The following STK24 variants were observed in gnomAD, a reference collection of about 807,000 sequenced individuals.
STK24 encodes serine/threonine-protein kinase 24.
STK24 carries 21 observed loss-of-function variants against 55.6 expected under a neutral mutation model. The observed-to-expected ratio is 0.38, with a 90% CI of 0.27 to 0.54. The LOEUF (loss-of-function observed/expected upper bound fraction) is 0.54. Among genes scored for constraint, STK24 ranks in the 20% least tolerant of loss-of-function variants. The probability of loss-of-function intolerance (pLI) is 0.79; values close to 1 mark genes in which losing one functional copy is unlikely to be tolerated. For missense variants in STK24, 383 were observed against 538.4 expected, an observed-to-expected ratio of 0.71 and a Z score of 2.86; for synonymous variants, 200 against 215.2, an observed-to-expected ratio of 0.93 and a Z score of 0.62.
chr13:98,551,246 A>G (rs1897153344), intron 1 of STK24, among the ~76,000 whole-genome samples: 2 of 151,446 alleles, frequency 1.3e-5, no homozygotes. Context: ...AGATCTTGCC[A>G]CTGCACTCTA....
At chr13:98,573,805 T>C (rs535707611) in intron 1 of STK24, among the ~76,000 whole-genome samples, 1 of 152,316 alleles carries the variant, frequency 6.6e-6, no homozygotes, top group South Asian at 2.1e-4. Flanking sequence ...ACATAATATA[T>C]GATCTCACCT....
chr13:98,519,153 G>A, intron 2 of STK24, 90 bp downstream of exon 2: 1 of 1,025,766 alleles, frequency 9.7e-7, no homozygotes, highest in Non-Finnish European at 1.5e-6. Flanking sequence ...GAAACCTGCT[G>A]TGCTTTGTCC....
intron 1 of STK24, among the ~76,000 whole-genome samples, chr13:98,550,195 G>A (rs754732716): frequency 1.2e-4 from 19 of 152,182 alleles, no homozygotes; most frequent in Admixed American, 8.5e-4. Flanking sequence ...TTACAACTGA[G>A]GGAATTCTCT....
chr13:98,561,324 T>C (rs933498014), intron 1 of STK24, among the ~76,000 whole-genome samples: 1 of 152,090 alleles, frequency 6.6e-6, no homozygotes, highest in Non-Finnish European at 1.5e-5. Context: ...GGCTCATGCC[T>C]GTAATCCCAA....
chr13:98,475,597 G>C (rs530814794), intron 3 of STK24, among the ~76,000 whole-genome samples: 2 of 152,330 alleles, frequency 1.3e-5, no homozygotes, highest in Admixed American at 1.3e-4. Flanking sequence ...AAGCAAAGAG[G>C]AGCCAATGAG....
rs1208502681 is a variant in STK24, at chr13:98,566,451, C to T, written c.42+10294G>A. ...ATGCTGGCCTCCCAGTCAGGGCTTCCGCCCCAGTGATGCTGTTTTCTAGCC... is the reference window on the plus strand; with the variant it reads ...ATGCTGGCCTCCCAGTCAGGGCTTCTGCCCCAGTGATGCTGTTTTCTAGCC... On this transcript the variant is annotated intron_variant, in intron 1 of 10. Transcript: ENST00000539966. Among the ~76,000 whole-genome samples the T allele has an allele frequency of 2.0e-5, 3 of 152,170 alleles. 1 individual carries two copies. The highest frequency in any genetic ancestry group is 6.3e-3 in the Middle Eastern group (2 of 316).
Position 98,446,642 on chromosome 13 carries a change from C to T in STK24, c.*6531G>A. On this transcript the variant is annotated 3_prime_UTR_variant, in exon 11 of 11. Transcript: ENST00000539966. ...AGCAGAAGCTGACCCCGAAAAGCCACTTTGCTTTGTTTCCCCTTTCCAGGA... is the reference window on the plus strand; with the variant it reads ...AGCAGAAGCTGACCCCGAAAAGCCATTTTGCTTTGTTTCCCCTTTCCAGGA... 6.2e-7 allele frequency: 1 copy of T among 1,612,622 alleles called. No individual in the cohort carries two copies. Among genetic ancestry groups the T allele is most frequent in the Non-Finnish European group, 8.5e-7 (1 of 1,178,834 alleles).
chr13:98,470,197 T>C (rs1241751826), intron 5 of STK24, among the ~76,000 whole-genome samples: 1 of 152,184 alleles, frequency 6.6e-6, no homozygotes, highest in Non-Finnish European at 1.5e-5. Flanking sequence ...GGACTCACTC[T>C]GTCACCCAGG....
rs1279937247 is a variant in STK24, at chr13:98,576,901, CG to C, written c.-116del. 4.7e-5 allele frequency: 29 copies of C among 611,020 alleles called. No individual in the cohort carries two copies. In the African/African-American group the frequency reaches 5.5e-4, roughly 12 times the overall value. The allele number at this position is 611,020 out of a possible 1,614,324, so 37.8% of individuals were successfully genotyped here. A position where few individuals can be genotyped will look rare whatever the true frequency, so the allele number is the denominator to read the frequency against. ...TCGGGCGGCGGGGCCGGCCGGAGCC[CG>C]AGGCCACCCCAGCCCTGGCGGGTCC... On this transcript the variant is annotated 5_prime_UTR_variant, in exon 1 of 11. Coordinates refer to ENST00000539966, the MANE Select transcript of STK24 (RefSeq NM_001032296.4).
At chr13:98,522,485 G>C (rs1348540291) in intron 1 of STK24, among the ~76,000 whole-genome samples, 1 of 152,168 alleles carries the variant, frequency 6.6e-6, no homozygotes, top group Non-Finnish European at 1.5e-5. Context: ...AGGAAAGGCT[G>C]TGTTAAAGAC....
Position 98,575,387 on chromosome 13 carries a change from T to C in STK24, c.42+1358A>G, listed in dbSNP as rs925180242. Among the ~76,000 whole-genome samples the C allele has an allele frequency of 1.1e-4, 16 of 148,206 alleles. No homozygotes were observed. The South Asian group carries it at 2.8e-3, about 26-fold the overall frequency. ...TACTGCTTAAACATATATACACACA[T>C]ATATATACTGCTTATATATACACAC... On this transcript the variant is annotated intron_variant, in intron 1 of 10. Coordinates refer to ENST00000539966, the MANE Select transcript of STK24 (RefSeq NM_001032296.4).
intron 1 of STK24, among the ~76,000 whole-genome samples, chr13:98,519,790 T>A (rs778880213): frequency 3.9e-5 from 6 of 152,232 alleles, no homozygotes; most frequent in African/African-American, 4.8e-5. Context: ...AAGCACTTAT[T>A]GGAATGTTAG....
intron 4 of STK24, 81 bp from the exon 5 acceptor site, chr13:98,475,059 C>G: frequency 4.0e-6 from 6 of 1,506,900 alleles, no homozygotes; most frequent in Non-Finnish European, 5.3e-6. Context: ...TTCTCCCTGG[C>G]TGGGTGGCGA....
chr13:98,522,920 C>G (rs956389534), intron 1 of STK24, among the ~76,000 whole-genome samples: 1 of 152,138 alleles, frequency 6.6e-6, no homozygotes, highest in East Asian at 1.9e-4. Context: ...CTGACAAGGG[C>G]GAGAGGGGTG....
intron 1 of STK24, among the ~76,000 whole-genome samples, chr13:98,551,025 G>A (rs1211632686): frequency 6.6e-6 from 1 of 152,098 alleles, no homozygotes; most frequent in Non-Finnish European, 1.5e-5. Context: ...GGTGGCTCAC[G>A]CCTGTAATCC....
chr13:98,515,615 T>C (rs1896030735), intron 2 of STK24, among the ~76,000 whole-genome samples: 1 of 152,234 alleles, frequency 6.6e-6, no homozygotes, highest in South Asian at 2.1e-4. Context: ...CAAAGCAATT[T>C]TGTGACTTCA....
At position 98,503,164 on chromosome 13, in the gene STK24, A is replaced by T. The variant is rs566227703; in HGVS notation, c.273+16079T>A. ...CCAATTTACCAAGAGAGTGTTTTTT[A>T]AAAAAAACAAGTTAAAGATGAACAC... On this transcript the variant is annotated intron_variant, in intron 2 of 10. Transcript: ENST00000539966. Among the ~76,000 whole-genome samples the T allele has an allele frequency of 5.2e-4, 79 of 151,606 alleles. 1 individual carries two copies. The Middle Eastern group carries it at 0.01, about 20-fold the overall frequency.
At chr13:98,557,373 C>T (rs2139445147) in intron 1 of STK24, among the ~76,000 whole-genome samples, 1 of 152,340 alleles carries the variant, frequency 6.6e-6, no homozygotes, top group East Asian at 1.9e-4. Context: ...ATCTTCCATG[C>T]TAGTCATCAG....
In STK24 at chr13:98,446,142, CGGGT is replaced by C; in HGVS notation, c.*7027_*7030del. The C allele has an allele frequency of 6.2e-7, 1 of 1,614,044 alleles. No homozygotes were observed. The highest frequency in any genetic ancestry group is 8.5e-7 in the Non-Finnish European group (1 of 1,179,902). On this transcript the variant is annotated 3_prime_UTR_variant, in exon 11 of 11. Coordinates refer to ENST00000539966, the MANE Select transcript of STK24 (RefSeq NM_001032296.4). ...TGCTGAGGAAATTCAAAAACAGCAA[CGGGT>C]GGCAGAAGCTGTGGGTGGTGTTCAC...
Sources: gnomAD v4.1 joint callset for allele counts (sites outside exome capture counted in the v4.1 genomes callset) on GRCh38, gnomAD v4.1.1 for gene constraint, MANE v1.5 for transcripts, NCBI Gene and HGNC (gene_info 2026-07-23, HGNC 2026-07-21) for gene names.